The following OPCML variants were observed in gnomAD, a reference collection of about 807,000 sequenced individuals.
OPCML encodes opioid-binding protein/cell adhesion molecule.
Under a neutral mutation model 37.8 loss-of-function variants are expected in OPCML, and 13 were observed. The observed-to-expected ratio is 0.34, with a 90% confidence interval of 0.22 to 0.55. The LOEUF is 0.55. OPCML is among the 20% of genes least tolerant of loss of function. The pLI, the probability that OPCML is intolerant of heterozygous loss-of-function variation, is 0.91. For synonymous variants in OPCML, 176 were observed against 168.8 expected, an observed-to-expected ratio of 1.04 and a Z score of -0.33; for missense variants, 341 against 435.6, an observed-to-expected ratio of 0.78 and a Z score of 1.93.
chr11:132,667,779 A>G (rs1242837645), intron 2 of OPCML, among the ~76,000 whole-genome samples: 1 of 152,246 alleles, frequency 6.6e-6, no homozygotes, highest in Non-Finnish European at 1.5e-5. Flanking sequence ...TGAAATAACT[A>G]TCGCAGAAAA....
rs114531326 is a variant in OPCML, at chr11:132,703,504, C to T, written c.147-46185G>A. Among the ~76,000 whole-genome samples, 1,263 of 152,272 alleles carry T rather than the reference C, an allele frequency of 8.3e-3. 16 individuals are homozygous for T. The highest frequency in any genetic ancestry group is 0.026 in the African/African-American group (1,100 of 41,546). ...CTGTACAAGAAGTACACATCTCTTC[C>T]GGTCTGTATAGACTGTCTTTGCCAG... On this transcript the variant is annotated intron_variant, in intron 2 of 7. Coordinates refer to ENST00000524381, the MANE Select transcript of OPCML (RefSeq NM_001012393.5).
chr11:132,563,816 A>C (rs368170478), intron 3 of OPCML, among the ~76,000 whole-genome samples: 3 of 152,190 alleles, frequency 2.0e-5, no homozygotes, highest in Middle Eastern at 3.4e-3. Flanking sequence ...CAACAAAAAA[A>C]CAGAAAAACT....
rs1050676982 is a variant in OPCML, at chr11:133,211,232, G to T, written c.62-268222C>A. On this transcript the variant is annotated intron_variant, in intron 1 of 7. Transcript: ENST00000524381. This position sits in a 1 kb window ranked among gnomAD's most constrained non-coding sequence, Gnocchi z 4.1. ...TCTGCTTTCTGGTGATGGTTTCCTG[G>T]GTCCCAGTGAGTGAGGTGGTGGACA... 1.3e-5 allele frequency among the ~76,000 whole-genome samples: 2 copies of T among 152,036 alleles called. No individual in the cohort carries two copies. The highest frequency in any genetic ancestry group is 2.4e-5 in the African/African-American group (1 of 41,392).
intron 3 of OPCML, among the ~76,000 whole-genome samples, chr11:132,633,961 G>A (rs57498581): frequency 0.023 from 3,525 of 152,306 alleles, 118 homozygotes; most frequent in African/African-American, 0.07. Flanking sequence ...GGTTCTTCCT[G>A]TCTTTCTTCT....
At chr11:133,380,479 G>A (rs1944907452) in intron 1 of OPCML, among the ~76,000 whole-genome samples, 1 of 152,056 alleles carries the variant, frequency 6.6e-6, no homozygotes, top group African/African-American at 2.4e-5. Context: ...TATACCTAAC[G>A]AGGAATACTT....
chr11:132,476,336 C>T (rs2096155447), intron 4 of OPCML, among the ~76,000 whole-genome samples: 1 of 152,044 alleles, frequency 6.6e-6, no homozygotes, highest in African/African-American at 2.4e-5. Context: ...CATCCCATTA[C>T]TGGGTATATA....
chr11:132,470,645 TTGAGTACCC>T (rs2096135184), intron 4 of OPCML, among the ~76,000 whole-genome samples: 1 of 152,178 alleles, frequency 6.6e-6, no homozygotes, highest in Non-Finnish European at 1.5e-5. Context: ...CTCATGTCTG[TTGAGTACCC>T]CTTAAGTGTG....
chr11:133,248,691 A>C (rs1480848020), intron 1 of OPCML, among the ~76,000 whole-genome samples: 1 of 152,208 alleles, frequency 6.6e-6, no homozygotes, highest in East Asian at 1.9e-4. Context: ...GGAGAAGTTC[A>C]CTGATGCTAA....
chr11:132,686,996 G>A (rs929166016), intron 2 of OPCML, among the ~76,000 whole-genome samples: 5 of 146,924 alleles, frequency 3.4e-5, no homozygotes, highest in Non-Finnish European at 6.0e-5. Context: ...CTACTCAGCT[G>A]CCCCCTGAGA....
At chr11:132,827,313 T>C (rs939728602) in intron 2 of OPCML, among the ~76,000 whole-genome samples, 3 of 152,194 alleles carry the variant, frequency 2.0e-5, no homozygotes, top group Non-Finnish European at 4.4e-5. Flanking sequence ...ATATGAAGAA[T>C]GCTAAACATC....
At chr11:132,423,375 C>A (rs536642974) in intron 7 of OPCML, among the ~76,000 whole-genome samples, 1 of 152,316 alleles carries the variant, frequency 6.6e-6, no homozygotes, top group South Asian at 2.1e-4. Context: ...TAATCCACTA[C>A]GATACACAGT....
Position 132,441,158 on chromosome 11 carries a change from C to CTTTTTTTTTTTT in OPCML, c.506-3800_506-3799insAAAAAAAAAAAA, listed in dbSNP as rs749099654. On this transcript the variant is annotated intron_variant, in intron 4 of 7. Transcript: ENST00000524381. ...ATTCTGAAGATGTGTTCACCAAGGA[C>CTTTTTTTTTTTT]TTTTTTGTTTTTTTTTTTTTTTTTT... is the stretch of plus-strand genomic sequence containing the variant. 4.1e-4 allele frequency among the ~76,000 whole-genome samples: 44 copies of CTTTTTTTTTTTT among 108,054 alleles called. 6 individuals are homozygous for CTTTTTTTTTTTT. Among genetic ancestry groups the CTTTTTTTTTTTT allele is most frequent in the African/African-American group, 1.3e-3 (30 of 22,764 alleles). The allele number at this position is 108,054 out of a possible 152,430, so 70.9% of individuals were successfully genotyped here.
chr11:132,485,155 G>A (rs570015783), intron 4 of OPCML, among the ~76,000 whole-genome samples: 3 of 152,134 alleles, frequency 2.0e-5, no homozygotes, highest in African/African-American at 4.8e-5. Context: ...ACTGACCTAA[G>A]AATTAGTGTC....
chr11:132,597,380 A>C (rs1259403253), intron 3 of OPCML, among the ~76,000 whole-genome samples: 1 of 152,210 alleles, frequency 6.6e-6, no homozygotes, highest in Non-Finnish European at 1.5e-5. Flanking sequence ...CTTGTCTCTA[A>C]AGGCTTTTAA....
At chr11:132,694,261 C>T (rs1419621891) in intron 2 of OPCML, among the ~76,000 whole-genome samples, 1 of 127,238 alleles carries the variant, frequency 7.9e-6, no homozygotes, top group Non-Finnish European at 1.6e-5. Context: ...TGCAGTGGCG[C>T]GATCTTGGCT....
intron 1 of OPCML, among the ~76,000 whole-genome samples, chr11:133,059,715 C>G (rs1948304781): frequency 6.6e-6 from 1 of 152,174 alleles, no homozygotes; most frequent in African/African-American, 2.4e-5. Context: ...AGAAAACATT[C>G]TTTTGTTTGA....
chr11:133,246,887 T>C lies in OPCML; in HGVS notation c.61+285377A>G, dbSNP rs573321729. 1.4e-3 allele frequency among the ~76,000 whole-genome samples: 216 copies of C among 152,192 alleles called. 5 individuals carry two copies. Among genetic ancestry groups the C allele is most frequent in the Middle Eastern group, 0.01 (3 of 292 alleles). On this transcript the variant is annotated intron_variant, in intron 1 of 7. Transcript: ENST00000524381. ...TATTAGGTGGGTAGAATTGGCAGGG[T>C]TGGTAGTAGCAGCAATAATGTGAAG... is the stretch of plus-strand genomic sequence containing the variant.
chr11:132,432,402 C>T (rs146932634), intron 7 of OPCML, among the ~76,000 whole-genome samples: 5 of 152,324 alleles, frequency 3.3e-5, no homozygotes, highest in East Asian at 3.9e-4. Context: ...TATTGCCACA[C>T]AGTCATAGGA....
At chr11:133,341,074 T>C (rs1943859011) in intron 1 of OPCML, among the ~76,000 whole-genome samples, 1 of 152,184 alleles carries the variant, frequency 6.6e-6, no homozygotes, top group African/African-American at 2.4e-5. Context: ...CTCATAGCTC[T>C]GTCCTCATGC....
Sources: allele counts gnomAD v4.1 joint callset (sites outside exome capture counted in the v4.1 genomes callset), GRCh38; gene constraint gnomAD v4.1.1; non-coding constraint Gnocchi (gnomAD v3.1); transcripts MANE v1.5; gene names NCBI Gene and HGNC (gene_info 2026-07-23, HGNC 2026-07-21).